The following CFAP54 variants were observed in gnomAD, a reference collection of about 807,000 sequenced individuals.
CFAP54 encodes cilia and flagella associated protein 54.
A neutral mutation model predicts 370.4 loss-of-function variants in CFAP54; 290 were observed. The observed-to-expected ratio is 0.78, with a 90% CI of 0.71 to 0.86. The LOEUF is 0.86. Ranked by LOEUF, CFAP54 falls within the 40% of genes least tolerant of loss-of-function variation. The probability of loss-of-function intolerance (pLI) is 0.00; values close to 1 mark genes in which losing one functional copy is unlikely to be tolerated. For synonymous variants in CFAP54, 1,206 were observed against 1,236.5 expected (o/e 0.98, Z 0.52); for missense variants, 3,399 against 3,528.7 (o/e 0.96, Z 0.93).
chr12:96,506,037 TATA>T (rs1286578333), intron 3 of CFAP54, among the ~76,000 whole-genome samples: 6 of 152,084 alleles, frequency 3.9e-5, no homozygotes, highest in Non-Finnish European at 8.8e-5. Flanking sequence ...CTGGGGAGCT[TATA>T]ACAATTGATT....
intron 39 of CFAP54, among the ~76,000 whole-genome samples, chr12:96,673,769 G>C (rs1009190802): frequency 6.6e-6 from 1 of 152,068 alleles, no homozygotes; most frequent in Non-Finnish European, 1.5e-5. Flanking sequence ...ATTTTCTTTC[G>C]GCATAATGGC....
rs189392613 is a variant in CFAP54, at chr12:96,830,263, G to A, written c.9171+1175G>A. 5.3e-5 allele frequency among the ~76,000 whole-genome samples: 8 copies of A among 152,172 alleles called. No individual in the cohort carries two copies. In the East Asian group the frequency reaches 9.7e-4, roughly 18 times the overall value. ...ATGGTAATTCTATGTTTAACCTTTC[G>A]AAGCACTTCCAAATAGTTTTCCTGA... On this transcript the variant is annotated intron_variant, in intron 66 of 67. Transcript: ENST00000524981.
chr12:96,729,703 G>A (rs776298803), intron 50 of CFAP54, among the ~76,000 whole-genome samples: 9 of 152,278 alleles, frequency 5.9e-5, no homozygotes, highest in Middle Eastern at 3.4e-3. Flanking sequence ...ACTGTCCTGC[G>A]CCCACTGTCT....
intron 48 of CFAP54, among the ~76,000 whole-genome samples, chr12:96,709,700 G>GTTT (rs1957589233): frequency 2.2e-5 from 2 of 91,582 alleles, no homozygotes; most frequent in Non-Finnish European, 4.4e-5. Context: ...CTTGATCATG[G>GTTT]TTTATTATTA....
chr12:96,515,644 G>A (rs140706582), intron 5 of CFAP54, among the ~76,000 whole-genome samples: 214 of 152,176 alleles, frequency 1.4e-3, no homozygotes, highest in African/African-American at 5.0e-3. Flanking sequence ...AGCCTAAGAC[G>A]GAAGGAGAAA....
chr12:96,727,080 A>G (rs973401521), intron 50 of CFAP54, among the ~76,000 whole-genome samples: 1 of 151,948 alleles, frequency 6.6e-6, no homozygotes, highest in African/African-American at 2.4e-5. Flanking sequence ...TTTGCTGGGG[A>G]GAGCTTTACT....
chr12:96,538,336 A>C (rs1340648549), intron 12 of CFAP54, 48 bp from the exon 13 acceptor site: 13 of 1,417,726 alleles, frequency 9.2e-6, no homozygotes, highest in Non-Finnish European at 1.2e-5. Flanking sequence ...TGTTATATAC[A>C]TGTATTTTAT....
At chr12:96,625,589 T>C (rs1956541691) in intron 28 of CFAP54, 129 bp from the exon 29 acceptor site, 2 of 520,654 alleles carry the variant, frequency 3.8e-6, no homozygotes, top group Admixed American at 7.3e-5. Context: ...TTAAGGCACA[T>C]AATTTAGAAT....
Position 96,775,430 on chromosome 12 carries a change from G to C in CFAP54, c.8282-9287G>C, listed in dbSNP as rs34469. 1.7e-3 allele frequency among the ~76,000 whole-genome samples: 260 copies of C among 151,628 alleles called. 4 individuals carry two copies. The highest frequency in any genetic ancestry group is 6.0e-3 in the African/African-American group (249 of 41,386). ...AGCAACAGAGTGAGATTCCATCCCCGACCCAAAAAAAAACTTTACTGTGGA... is the reference window on the plus strand; with the variant it reads ...AGCAACAGAGTGAGATTCCATCCCCCACCCAAAAAAAAACTTTACTGTGGA... On this transcript the variant is annotated intron_variant, in intron 60 of 67. Coordinates refer to ENST00000524981, the MANE Select transcript of CFAP54 (RefSeq NM_001306084.2).
At chr12:96,848,839 C>G (rs1444799625) in intron 66 of CFAP54, among the ~76,000 whole-genome samples, 3 of 152,190 alleles carry the variant, frequency 2.0e-5, no homozygotes, top group Non-Finnish European at 4.4e-5. Flanking sequence ...TCTTTCTTCA[C>G]AAAGTGTGAA....
intron 8 of CFAP54, among the ~76,000 whole-genome samples, chr12:96,522,604 TG>T (rs1311191557): frequency 6.6e-6 from 1 of 152,182 alleles, no homozygotes; most frequent in Admixed American, 6.5e-5. Flanking sequence ...GTTTCACCCT[TG>T]GGAATGTTCA....
chr12:96,637,791 A>G (rs920505744), intron 32 of CFAP54, among the ~76,000 whole-genome samples: 3 of 152,240 alleles, frequency 2.0e-5, no homozygotes, highest in African/African-American at 7.2e-5. Context: ...CGTGTTGCAT[A>G]ACATTTTGAT....
chr12:96,559,232 A>G (rs1955790076), intron 17 of CFAP54, among the ~76,000 whole-genome samples: 1 of 152,118 alleles, frequency 6.6e-6, no homozygotes, highest in African/African-American at 2.4e-5. Context: ...AAATTTAATT[A>G]TACATTTAAA....
chr12:96,526,889 T>G (rs947825223), intron 8 of CFAP54, among the ~76,000 whole-genome samples: 65 of 140,666 alleles, frequency 4.6e-4, no homozygotes, highest in African/African-American at 1.7e-3. Flanking sequence ...TAACAGGTTT[T>G]TTTTTTTTTT....
At chr12:96,693,556 T>C (rs79952048) in intron 44 of CFAP54, among the ~76,000 whole-genome samples, 166 bp from the exon 45 acceptor site, 32 of 152,240 alleles carry the variant, frequency 2.1e-4, no homozygotes, top group African/African-American at 7.7e-4. Context: ...TTATGAAGCA[T>C]GTGCTAGATA....
At chr12:96,562,428 C>CT (rs200487420) in intron 17 of CFAP54, among the ~76,000 whole-genome samples, 12,490 of 115,066 alleles carry the variant, frequency 0.11, 765 homozygotes, top group Middle Eastern at 0.17. Flanking sequence ...TATTTGCATT[C>CT]TTTTTTTTTT....
intron 32 of CFAP54, among the ~76,000 whole-genome samples, chr12:96,635,640 A>G (rs1277222820): frequency 2.6e-5 from 4 of 152,250 alleles, no homozygotes; most frequent in African/African-American, 9.6e-5. Context: ...CAACACTGCC[A>G]CCACTTCAGA....
rs1459376998 is a variant in CFAP54 at position 96,784,751 on chromosome 12, A to G, written c.8316A>G (p.Thr2772=). 1 of 1,529,108 alleles carries G rather than the reference A, an allele frequency of 6.5e-7. No homozygotes were observed. Among genetic ancestry groups the G allele is most frequent in the South Asian group, 1.2e-5 (1 of 82,310 alleles). 94.7% of individuals were successfully genotyped at this position (1,529,108 alleles called of 1,614,324 possible). A position where few individuals can be genotyped will look rare whatever the true frequency, so the allele number is the denominator to read the frequency against. Residue 2772 remains threonine (T), a synonymous_variant, in exon 61 of 68, where the codon ACA becomes ACG. Coordinates refer to ENST00000524981, the MANE Select transcript of CFAP54 (RefSeq NM_001306084.2). ...AAGTCCTCTTCCAGACTTCCTGTACATTTTTGTACCAAAATGATGATGTGT... is the reference window on the plus strand; with the variant it reads ...AAGTCCTCTTCCAGACTTCCTGTACGTTTTTGTACCAAAATGATGATGTGT... ...NYQVLFQTSC[T]FLYQNDDVCD...
chr12:96,757,298 C>T (rs570524561), intron 57 of CFAP54, among the ~76,000 whole-genome samples, 197 bp from the exon 58 acceptor site: 32 of 152,180 alleles, frequency 2.1e-4, no homozygotes, highest in Non-Finnish European at 4.1e-4. Flanking sequence ...AAGCTCTCTT[C>T]CAGAACTTCC....
Sources: allele counts gnomAD v4.1 joint callset (sites outside exome capture counted in the v4.1 genomes callset), GRCh38; gene constraint gnomAD v4.1.1; transcripts MANE v1.5; gene names NCBI Gene and HGNC (gene_info 2026-07-23, HGNC 2026-07-21).